The following ZNF710 variants were observed in gnomAD, a reference collection of about 807,000 sequenced individuals.
ZNF710 encodes the protein zinc finger protein 710.
ZNF710 carries 13 observed loss-of-function variants against 50.6 expected under a neutral mutation model. The ratio of observed to expected loss-of-function variants is 0.26; its 90% CI spans 0.17 to 0.41. The LOEUF is 0.41. Among genes scored for constraint, ZNF710 ranks in the 10% least tolerant of loss-of-function variants. The probability of loss-of-function intolerance (pLI) is 1.00; values close to 1 mark genes in which losing one functional copy is unlikely to be tolerated. For missense variants in ZNF710, 721 were observed against 936.6 expected (o/e 0.77, Z 3.01); for synonymous variants, 383 against 397.0 (o/e 0.96, Z 0.42).
chr15:90,002,985 T>G lies in ZNF710; in HGVS notation c.-29+1371T>G, dbSNP rs570094267. Among the ~76,000 whole-genome samples, 62 of 152,324 alleles carry G rather than the reference T, an allele frequency of 4.1e-4. No homozygotes were observed. In the East Asian group the frequency reaches 0.012, roughly 28 times the overall value. On this transcript the variant is annotated intron_variant, in intron 1 of 4. Transcript: ENST00000268154. ...GTCTCCCGGGTTCAAGCGATTCTCC[T>G]GCCTCAACCTCCCCAATAGCTGGGA... is the stretch of plus-strand genomic sequence containing the variant.
At chr15:90,016,786 C>G (rs1469155093) in intron 1 of ZNF710, among the ~76,000 whole-genome samples, 2 of 152,174 alleles carry the variant, frequency 1.3e-5, no homozygotes, top group East Asian at 3.9e-4. Flanking sequence ...AGCCTAGACC[C>G]ATCTCTGCAA....
At chr15:90,066,563 C>T (rs1263202670) in intron 1 of ZNF710, among the ~76,000 whole-genome samples, 1 of 150,846 alleles carries the variant, frequency 6.6e-6, no homozygotes. Context: ...CTGCAACCTC[C>T]GCCTCCCAGG....
chr15:90,039,555 G>T (rs898775649), intron 1 of ZNF710, among the ~76,000 whole-genome samples: 6 of 152,136 alleles, frequency 3.9e-5, no homozygotes, highest in Non-Finnish European at 7.4e-5. Context: ...GTGCTCAACC[G>T]AGTATTGAAT....
At chr15:90,070,099 G>A (rs116867951) in intron 2 of ZNF710, among the ~76,000 whole-genome samples, 2,543 of 152,288 alleles carry the variant, frequency 0.017, 36 homozygotes, top group Middle Eastern at 0.037. Context: ...AGGGAGTTGG[G>A]GAGCTGTTAA....
intron 1 of ZNF710, among the ~76,000 whole-genome samples, chr15:90,043,404 C>T (rs1239418612): frequency 2.6e-5 from 4 of 152,256 alleles, no homozygotes; most frequent in Admixed American, 1.3e-4. Flanking sequence ...CACAGCCAGG[C>T]GGCCAGGGCA....
At chr15:90,057,822 C>T (rs538221828) in intron 1 of ZNF710, among the ~76,000 whole-genome samples, 18 of 152,146 alleles carry the variant, frequency 1.2e-4, no homozygotes, top group African/African-American at 2.9e-4. Context: ...AGTGAGACCC[C>T]GGTATTGGCA....
rs548048000 is a variant in ZNF710 at position 90,067,212 on chromosome 15, T to C, written c.75T>C (p.Leu25=). 4 of 1,613,898 alleles carry C rather than the reference T, an allele frequency of 2.5e-6. No individual in the cohort carries two copies. In the South Asian group the frequency reaches 3.3e-5, roughly 13 times the overall value. ...VVLSLAQAAV[L]GLVSENELFG... ...TGTCCTTGGCTCAGGCCGCCGTGCT[T>C]GGCCTGGTCTCCGAAAATGAGCTCT... Residue 25 remains leucine (L), a synonymous_variant, in exon 2 of 5, where the codon CTT becomes CTC. Transcript: ENST00000268154. The surrounding 1 kb of genome is among the most constrained non-coding windows in gnomAD (Gnocchi z 8.1).
chr15:90,066,505 T>C (rs1054289758), intron 1 of ZNF710, among the ~76,000 whole-genome samples: 10 of 132,362 alleles, frequency 7.6e-5, no homozygotes, highest in Non-Finnish European at 1.4e-4. Context: ...TGAGACAGAG[T>C]GTCACTTTGC....
At chr15:90,045,052 G>A (rs1899417860) in intron 1 of ZNF710, among the ~76,000 whole-genome samples, 1 of 152,030 alleles carries the variant, frequency 6.6e-6, no homozygotes, top group Admixed American at 6.6e-5. Flanking sequence ...CCTTGCTCAG[G>A]TGTCACCTCC....
chr15:90,037,164 G>T (rs938644109), intron 1 of ZNF710, among the ~76,000 whole-genome samples: 1 of 152,164 alleles, frequency 6.6e-6, no homozygotes, highest in Non-Finnish European at 1.5e-5. Flanking sequence ...GGAGTTATTC[G>T]AAGGGCTTTT....
rs1899939116 is a variant in ZNF710 at position 90,059,620 on chromosome 15, A to C, written c.-28-7490A>C. ...GATCGCAGGAGGAAGAGACTCTCGA[A>C]CTTCCCCTGCCCCTCCCCCGTGCCG... On this transcript the variant is annotated intron_variant, in intron 1 of 4. Transcript: ENST00000268154. The surrounding 1 kb of genome is among the most constrained non-coding windows in gnomAD (Gnocchi z 4.1). 6.6e-6 allele frequency among the ~76,000 whole-genome samples: 1 copy of C among 151,792 alleles called. No homozygotes were observed. The highest frequency in any genetic ancestry group is 1.9e-4 in the East Asian group (1 of 5,150).
At chr15:90,056,478 A>C (rs1207720226) in intron 1 of ZNF710, among the ~76,000 whole-genome samples, 1 of 152,044 alleles carries the variant, frequency 6.6e-6, no homozygotes, top group Middle Eastern at 3.4e-3. Flanking sequence ...CTTGGTTTCC[A>C]TATCTGTAAA....
At chr15:90,074,067 G>A (rs368519233) in intron 3 of ZNF710, 49 bp from the exon 4 acceptor site, 3 of 1,571,706 alleles carry the variant, frequency 1.9e-6, no homozygotes, top group Non-Finnish European at 2.6e-6. Flanking sequence ...TGGGGTCCGG[G>A]GAAAGCAGGT....
intron 1 of ZNF710, among the ~76,000 whole-genome samples, chr15:90,015,510 AAAAGGAAAAGAG>A (rs780554232): frequency 6.6e-6 from 1 of 152,204 alleles, no homozygotes; most frequent in Non-Finnish European, 1.5e-5. Context: ...CATTGCTTGT[AAAAGGAAAAGAG>A]AAAGGAAACA....
chr15:90,045,157 T>G (rs1290153453), intron 1 of ZNF710, among the ~76,000 whole-genome samples: 2 of 152,152 alleles, frequency 1.3e-5, no homozygotes, highest in Non-Finnish European at 2.9e-5. Context: ...AAGGTAATCA[T>G]CCATTTACTG....
At chr15:90,041,918 G>C (rs1398584668) in intron 1 of ZNF710, among the ~76,000 whole-genome samples, 1 of 121,952 alleles carries the variant, frequency 8.2e-6, no homozygotes, top group Non-Finnish European at 1.7e-5. Flanking sequence ...TTTTTTTTGA[G>C]ATAGAGTTTC....
chr15:90,005,118 T>C (rs1001876513), intron 1 of ZNF710, among the ~76,000 whole-genome samples: 1 of 152,242 alleles, frequency 6.6e-6, no homozygotes, highest in Non-Finnish European at 1.5e-5. Flanking sequence ...GTGGGTTAAA[T>C]GTACTAGAAC....
intron 1 of ZNF710, among the ~76,000 whole-genome samples, chr15:90,050,974 C>G (rs1007984177): frequency 2.0e-5 from 3 of 152,192 alleles, no homozygotes; most frequent in African/African-American, 7.2e-5. Flanking sequence ...CACCGTGGCT[C>G]ACGCCTGTAA....
At chr15:90,042,086 T>C (rs551942104) in intron 1 of ZNF710, among the ~76,000 whole-genome samples, 2 of 151,886 alleles carry the variant, frequency 1.3e-5, no homozygotes, top group Non-Finnish European at 2.9e-5. Context: ...TTAGTAGAGA[T>C]GGGGTTTCAC....
Sources: allele counts gnomAD v4.1 joint callset (sites outside exome capture counted in the v4.1 genomes callset), GRCh38; gene constraint gnomAD v4.1.1; non-coding constraint Gnocchi (gnomAD v3.1); transcripts MANE v1.5; gene names NCBI Gene and HGNC (gene_info 2026-07-23, HGNC 2026-07-21).